The following PRKD1 variants were observed in gnomAD, a reference collection of about 807,000 sequenced individuals.
PRKD1 encodes the protein serine/threonine-protein kinase D1.
A neutral mutation model predicts 95.9 loss-of-function variants in PRKD1; 63 were observed. The ratio of observed to expected loss-of-function variants is 0.66; its 90% CI spans 0.54 to 0.81. The LOEUF (loss-of-function observed/expected upper bound fraction) is 0.81. Among genes scored for constraint, PRKD1 ranks in the 30% least tolerant of loss-of-function variants. The probability of loss-of-function intolerance (pLI) is 0.00; values close to 1 mark genes in which losing one functional copy is unlikely to be tolerated. For missense variants in PRKD1, 1,048 were observed against 1,165.3 expected (o/e 0.90, Z 1.47); for synonymous variants, 425 against 423.1 (o/e 1.00, Z -0.05).
At chr14:29,832,662 T>TA (rs1261599973) in intron 1 of PRKD1, among the ~76,000 whole-genome samples, 2 of 152,134 alleles carry the variant, frequency 1.3e-5, no homozygotes, top group Non-Finnish European at 2.9e-5. Context: ...GAACACGAAT[T>TA]AGACTAGTTC....
chr14:29,804,591 A>G (rs976891162), intron 1 of PRKD1, among the ~76,000 whole-genome samples: 2 of 151,538 alleles, frequency 1.3e-5, no homozygotes, highest in African/African-American at 4.8e-5. Context: ...ATCCAACTAA[A>G]AAAAAAAAAA....
intron 1 of PRKD1, among the ~76,000 whole-genome samples, chr14:29,883,126 G>A (rs1407771748): frequency 1.3e-5 from 2 of 152,182 alleles, no homozygotes; most frequent in African/African-American, 4.8e-5. Flanking sequence ...CATGGTGAAA[G>A]CAGGAGCAAG....
At chr14:29,738,887 G>T (rs1030949336) in intron 1 of PRKD1, among the ~76,000 whole-genome samples, 1 of 148,336 alleles carries the variant, frequency 6.7e-6, no homozygotes, top group Middle Eastern at 3.3e-3. Context: ...GGAGTGCAGT[G>T]ATGCCGCAAT....
At chr14:29,748,247 T>A (rs1887321544) in intron 1 of PRKD1, among the ~76,000 whole-genome samples, 1 of 152,084 alleles carries the variant, frequency 6.6e-6, no homozygotes, top group Non-Finnish European at 1.5e-5. Flanking sequence ...TGGGGAAAAA[T>A]AAAGTTAATG....
chr14:29,868,378 C>A (rs1444065106), intron 1 of PRKD1, among the ~76,000 whole-genome samples: 2 of 152,170 alleles, frequency 1.3e-5, no homozygotes, highest in Non-Finnish European at 2.9e-5. Context: ...CAAAAGATGT[C>A]TCTTCTGAAA....
Position 29,676,177 on chromosome 14 carries a change from G to GTTTTTTTTTTTTTTTTTTTTTT in PRKD1, c.404-9970_404-9969insAAAAAAAAAAAAAAAAAAAAAA, listed in dbSNP as rs147308040. On this transcript the variant is annotated intron_variant, in intron 2 of 17. Coordinates refer to ENST00000331968, the MANE Select transcript of PRKD1 (RefSeq NM_002742.3). ...GCTGTAGGCATGCATAGTTCATTAC[G>GTTTTTTTTTTTTTTTTTTTTTT]TTTTTGTTTTTTTTTTTTTTTTTTT... 6.1e-4 allele frequency among the ~76,000 whole-genome samples: 64 copies of GTTTTTTTTTTTTTTTTTTTTTT among 104,726 alleles called. 3 individuals carry two copies. Among genetic ancestry groups the GTTTTTTTTTTTTTTTTTTTTTT allele is most frequent in the African/African-American group, 1.3e-3 (32 of 23,878 alleles). The allele number at this position is 104,726 out of a possible 152,430, so 68.7% of individuals were successfully genotyped here.
At chr14:29,760,219 A>C (rs1284668699) in intron 1 of PRKD1, among the ~76,000 whole-genome samples, 4 of 152,050 alleles carry the variant, frequency 2.6e-5, no homozygotes, top group Non-Finnish European at 4.4e-5. Flanking sequence ...TTGCATAGTC[A>C]CTTCTTTATG....
chr14:29,833,189 T>C (rs1594560873), intron 1 of PRKD1, among the ~76,000 whole-genome samples: 1 of 152,136 alleles, frequency 6.6e-6, no homozygotes, highest in Admixed American at 6.5e-5. Context: ...TCCTAAAGAA[T>C]GTTTATCCTG....
At chr14:29,826,563 AAT>A (rs143336664) in intron 1 of PRKD1, among the ~76,000 whole-genome samples, 30,024 of 51,224 alleles carry the variant, frequency 0.59, 9,123 homozygotes, top group Middle Eastern at 0.67. Flanking sequence ...TATATGATGG[AAT>A]ATATATATAT....
Position 29,624,271 on chromosome 14 carries a change from A to T in PRKD1, c.1799-13T>A. ...TTACGATGTTTTCCTTTAAAATGAA[A>T]AAGGGAAGCATTAGTAAGTTATTAA... On this transcript the variant is annotated splice_polypyrimidine_tract_variant and intron_variant, in intron 12 of 17. Transcript: ENST00000331968. The T allele has an allele frequency of 6.4e-7, 1 of 1,573,038 alleles. No individual in the cohort carries two copies. Among genetic ancestry groups the T allele is most frequent in the Non-Finnish European group, 8.7e-7 (1 of 1,150,502 alleles).
chr14:29,785,203 G>A (rs889294965), intron 1 of PRKD1, among the ~76,000 whole-genome samples: 1 of 152,114 alleles, frequency 6.6e-6, no homozygotes, highest in Admixed American at 6.6e-5. Flanking sequence ...CATCTTCAAA[G>A]GGAGGTTTGT....
intron 13 of PRKD1, among the ~76,000 whole-genome samples, chr14:29,618,082 GC>G (rs1878989200): frequency 6.6e-6 from 1 of 151,916 alleles, no homozygotes; most frequent in Admixed American, 6.6e-5. Flanking sequence ...AAACAAAAAA[GC>G]TTTTAGGTGC....
At chr14:29,783,765 T>A (rs140216366) in intron 1 of PRKD1, among the ~76,000 whole-genome samples, 1 of 152,200 alleles carries the variant, frequency 6.6e-6, no homozygotes, top group Non-Finnish European at 1.5e-5. Context: ...TTTTCTTCTG[T>A]CTGTTGGCCA....
intron 16 of PRKD1, among the ~76,000 whole-genome samples, chr14:29,589,253 C>T (rs1407122976): frequency 6.6e-6 from 1 of 152,198 alleles, no homozygotes. Flanking sequence ...CGCTACAGGT[C>T]TGTCATCATT....
intron 2 of PRKD1, among the ~76,000 whole-genome samples, chr14:29,699,106 T>C (rs1884691288): frequency 6.6e-6 from 1 of 152,206 alleles, no homozygotes; most frequent in East Asian, 1.9e-4. Flanking sequence ...GTACTTACCA[T>C]AGCGGATTTC....
intron 2 of PRKD1, among the ~76,000 whole-genome samples, chr14:29,670,494 T>C (rs1882777977): frequency 6.6e-6 from 1 of 152,132 alleles, no homozygotes; most frequent in Non-Finnish European, 1.5e-5. Context: ...TAACATAGGA[T>C]TGTCTATATA....
intron 1 of PRKD1, among the ~76,000 whole-genome samples, chr14:29,746,613 G>C (rs1187771137): frequency 6.6e-6 from 1 of 151,766 alleles, no homozygotes; most frequent in South Asian, 2.1e-4. Flanking sequence ...TGTGTGCTTT[G>C]GTTCATTACT....
intron 1 of PRKD1, among the ~76,000 whole-genome samples, chr14:29,801,288 T>C (rs748964705): frequency 1.3e-5 from 2 of 152,168 alleles, no homozygotes; most frequent in African/African-American, 2.4e-5. Context: ...ACTTAAAGCT[T>C]ACTGAATATG....
chr14:29,841,365 G>A (rs1269047588), intron 1 of PRKD1, among the ~76,000 whole-genome samples: 1 of 152,096 alleles, frequency 6.6e-6, no homozygotes, highest in Non-Finnish European at 1.5e-5. Flanking sequence ...GAATTATATG[G>A]TTTGGTTGTG....
Sources: allele counts gnomAD v4.1 joint callset (sites outside exome capture counted in the v4.1 genomes callset), GRCh38; gene constraint gnomAD v4.1.1; transcripts MANE v1.5; gene names NCBI Gene and HGNC (gene_info 2026-07-23, HGNC 2026-07-21).